FOXO1: variants seen among roughly 807,000 people sequenced by gnomAD.
The protein encoded by FOXO1 is forkhead box protein O1.
FOXO1 carries 6 observed loss-of-function variants against 44.1 expected under a neutral mutation model. The ratio of observed to expected loss-of-function variants is 0.14; its 90% CI spans 0.07 to 0.27. The LOEUF is 0.27. Among genes scored for constraint, FOXO1 ranks in the 10% least tolerant of loss-of-function variants. The pLI is 1.00. For missense variants in FOXO1, 737 were observed against 888.8 expected, an observed-to-expected ratio of 0.83 and a Z score of 2.17; for synonymous variants, 380 against 362.7, an observed-to-expected ratio of 1.05 and a Z score of -0.54.
intron 1 of FOXO1, among the ~76,000 whole-genome samples, chr13:40,591,811 C>T (rs982711847): frequency 2.0e-5 from 3 of 152,164 alleles, no homozygotes; most frequent in Admixed American, 2.0e-4. Flanking sequence ...AAGCAATTCT[C>T]ATACCTCAGC....
chr13:40,611,833 G>A (rs1245043595), intron 1 of FOXO1, among the ~76,000 whole-genome samples: 2 of 152,162 alleles, frequency 1.3e-5, no homozygotes, highest in Non-Finnish European at 2.9e-5. Flanking sequence ...AGCACAGTGG[G>A]AGGCCAAGTT....
intron 1 of FOXO1, chr13:40,621,421 C>T (rs1204503288): frequency 1.6e-5 from 4 of 256,390 alleles, no homozygotes; most frequent in Non-Finnish European, 3.0e-5. Flanking sequence ...TGCTGAGTTA[C>T]TTGTGATGAG....
At chr13:40,619,454 C>CTG (rs1876536619) in intron 1 of FOXO1, 1 of 1,236,026 alleles carries the variant, frequency 8.1e-7, no homozygotes, top group African/African-American at 1.5e-5. Context: ...AATTGGAGAG[C>CTG]TGTGAGTCGA....
At chr13:40,646,873 C>T (rs1373219504) in intron 1 of FOXO1, among the ~76,000 whole-genome samples, 2 of 152,176 alleles carry the variant, frequency 1.3e-5, no homozygotes, top group Non-Finnish European at 2.9e-5. Context: ...GGATTACAGG[C>T]GTGAGCCACC....
At chr13:40,647,470 T>C (rs536271954) in intron 1 of FOXO1, among the ~76,000 whole-genome samples, 15 of 152,260 alleles carry the variant, frequency 9.9e-5, no homozygotes, top group African/African-American at 3.6e-4. Flanking sequence ...AGTGGCGTGA[T>C]CTCAGCTCAC....
chr13:40,654,437 G>T (rs1311477885), intron 1 of FOXO1, among the ~76,000 whole-genome samples: 2 of 148,946 alleles, frequency 1.3e-5, no homozygotes, highest in African/African-American at 2.5e-5. Flanking sequence ...GGAGGCGGAG[G>T]TTGCAGTGAA....
chr13:40,569,860 C>T (rs1029437611), intron 1 of FOXO1, among the ~76,000 whole-genome samples: 1 of 152,154 alleles, frequency 6.6e-6, no homozygotes, highest in Non-Finnish European at 1.5e-5. Flanking sequence ...ATCCTCCCAC[C>T]TCAGCCTCCC....
intron 1 of FOXO1, among the ~76,000 whole-genome samples, chr13:40,664,132 A>C (rs986214810): frequency 6.6e-6 from 1 of 152,082 alleles, no homozygotes; most frequent in Non-Finnish European, 1.5e-5. Flanking sequence ...AATTAGCTCG[A>C]CGTGGTGGCT....
chr13:40,607,257 C>T (rs892648821), intron 1 of FOXO1, among the ~76,000 whole-genome samples: 1 of 152,208 alleles, frequency 6.6e-6, no homozygotes, highest in Admixed American at 6.5e-5. Flanking sequence ...CATGCTTCCT[C>T]GTGCTACACC....
intron 1 of FOXO1, among the ~76,000 whole-genome samples, chr13:40,579,249 C>T (rs1874873132): frequency 1.3e-5 from 2 of 152,302 alleles, no homozygotes; most frequent in Admixed American, 1.3e-4. Context: ...CACACCTGCC[C>T]TAGGTAGCTC....
At chr13:40,612,474 G>T (rs1195116316) in intron 1 of FOXO1, among the ~76,000 whole-genome samples, 1 of 152,206 alleles carries the variant, frequency 6.6e-6, no homozygotes, top group Non-Finnish European at 1.5e-5. Context: ...TTGTGTGTGT[G>T]TTACACATAT....
At chr13:40,599,584 G>A (rs1875743765) in intron 1 of FOXO1, among the ~76,000 whole-genome samples, 1 of 152,302 alleles carries the variant, frequency 6.6e-6, no homozygotes, top group East Asian at 1.9e-4. Flanking sequence ...ATGGAATCGT[G>A]TGGCATGTGT....
chr13:40,654,542 T>C (rs1877798081), intron 1 of FOXO1, among the ~76,000 whole-genome samples: 2 of 149,916 alleles, frequency 1.3e-5, no homozygotes, highest in Non-Finnish European at 3.0e-5. Flanking sequence ...ACAAACATCA[T>C]CTAGGGAGAA....
intron 1 of FOXO1, among the ~76,000 whole-genome samples, chr13:40,617,730 T>A (rs888637880): frequency 6.6e-6 from 1 of 152,152 alleles, no homozygotes; most frequent in African/African-American, 2.4e-5. Flanking sequence ...AAAAAAGATG[T>A]AAGTAACAAT....
intron 1 of FOXO1, among the ~76,000 whole-genome samples, chr13:40,645,715 C>A (rs1167465630): frequency 6.6e-6 from 1 of 152,020 alleles, no homozygotes; most frequent in African/African-American, 2.4e-5. Context: ...AGATGAAAAA[C>A]TAGGGAAGGG....
intron 1 of FOXO1, among the ~76,000 whole-genome samples, chr13:40,572,164 T>C (rs2755213): frequency 0.15 from 22,581 of 152,160 alleles, 2,514 homozygotes; most frequent in East Asian, 0.64. Context: ...CACTGAAACT[T>C]TGACAGATTA....
At chr13:40,626,881 G>A (rs909053365) in intron 1 of FOXO1, among the ~76,000 whole-genome samples, 68 of 152,182 alleles carry the variant, frequency 4.5e-4, no homozygotes, top group African/African-American at 1.6e-3. Context: ...TACATGCACT[G>A]AATTTCAGTC....
chr13:40,625,658 TA>T (rs35880404), intron 1 of FOXO1, among the ~76,000 whole-genome samples: 33,452 of 146,726 alleles, frequency 0.23, 5,172 homozygotes, highest in East Asian at 0.61. Flanking sequence ...GCTTTCACTT[TA>T]AAAAAAAAAA....
chr13:40,598,359 G>T (rs1248140904), intron 1 of FOXO1, among the ~76,000 whole-genome samples: 1 of 152,060 alleles, frequency 6.6e-6, no homozygotes. Flanking sequence ...TTTAAAGAAG[G>T]GGCATTCACA....
Sources: gnomAD v4.1 joint callset for allele counts (sites outside exome capture counted in the v4.1 genomes callset) on GRCh38, gnomAD v4.1.1 for gene constraint, MANE v1.5 for transcripts, NCBI Gene and HGNC (gene_info 2026-07-23, HGNC 2026-07-21) for gene names.